NBEA: variants seen among roughly 807,000 people sequenced by gnomAD.
The protein encoded by NBEA is lysosomal-trafficking regulator 2.
Under a neutral mutation model 343.4 loss-of-function variants are expected in NBEA, and 44 were observed. The observed-to-expected ratio is 0.13, with a 90% CI of 0.10 to 0.16. NBEA has a LOEUF of 0.16. Ranked by LOEUF, NBEA falls within the 10% of genes least tolerant of loss-of-function variation. The pLI, the probability that NBEA is intolerant of heterozygous loss-of-function variation, is 1.00. For synonymous variants in NBEA, 1,175 were observed against 1,238.7 expected (o/e 0.95, Z 1.08); for missense variants, 2,555 against 3,631.3 (o/e 0.70, Z 7.62).
intron 36 of NBEA, among the ~76,000 whole-genome samples, chr13:35,339,082 T>G (rs2039434870): frequency 6.6e-6 from 1 of 152,120 alleles, no homozygotes; most frequent in Non-Finnish European, 1.5e-5. Context: ...GTATTCACCC[T>G]AAGGGAAGAA....
chr13:35,598,050 T>C (rs2081888534), intron 47 of NBEA, among the ~76,000 whole-genome samples: 1 of 152,164 alleles, frequency 6.6e-6, no homozygotes, highest in African/African-American at 2.4e-5. Context: ...CATCCCAGTA[T>C]TTGTATCAGA....
At chr13:35,458,553 T>G (rs1012485021) in intron 40 of NBEA, among the ~76,000 whole-genome samples, 1 of 152,192 alleles carries the variant, frequency 6.6e-6, no homozygotes, top group African/African-American at 2.4e-5. Flanking sequence ...GGGCTCAAAT[T>G]ATCAGACTAT....
chr13:35,542,213 A>G (rs1162620314), intron 41 of NBEA, among the ~76,000 whole-genome samples: 1 of 150,542 alleles, frequency 6.6e-6, no homozygotes, highest in Non-Finnish European at 1.5e-5. Context: ...TTATAATGGC[A>G]TATAATAACA....
intron 34 of NBEA, among the ~76,000 whole-genome samples, chr13:35,277,468 A>T (rs2152808518): frequency 6.6e-6 from 1 of 151,944 alleles, no homozygotes; most frequent in Admixed American, 6.6e-5. Flanking sequence ...CCAAAAATAC[A>T]AAATTAGCCA....
intron 40 of NBEA, among the ~76,000 whole-genome samples, chr13:35,464,250 A>T (rs985288211): frequency 3.3e-5 from 5 of 152,212 alleles, no homozygotes; most frequent in African/African-American, 7.2e-5. Flanking sequence ...AAAGTCTGAC[A>T]TTCAAGTATA....
chr13:34,966,079 A>G (rs1466223974), intron 1 of NBEA, among the ~76,000 whole-genome samples: 1 of 152,056 alleles, frequency 6.6e-6, no homozygotes, highest in Non-Finnish European at 1.5e-5. Flanking sequence ...AAAAGGAAAT[A>G]TGGTATTCTG....
intron 8 of NBEA, among the ~76,000 whole-genome samples, chr13:35,062,622 C>A (rs962396839): frequency 2.0e-4 from 31 of 151,572 alleles, no homozygotes; most frequent in African/African-American, 7.2e-4. Flanking sequence ...GATAAGGGAA[C>A]AATAATTTGA....
intron 40 of NBEA, among the ~76,000 whole-genome samples, chr13:35,462,856 G>A (rs1464496412): frequency 6.6e-6 from 1 of 152,170 alleles, no homozygotes; most frequent in African/African-American, 2.4e-5. Context: ...AAGAATGAGG[G>A]GAATCAGGCC....
chr13:35,462,236 G>T (rs2046948253), intron 40 of NBEA, among the ~76,000 whole-genome samples: 1 of 152,062 alleles, frequency 6.6e-6, no homozygotes, highest in African/African-American at 2.4e-5. Flanking sequence ...CTGCCCTCCA[G>T]GAAGTTATAG....
intron 38 of NBEA, among the ~76,000 whole-genome samples, chr13:35,393,874 C>T (rs1389612608): frequency 6.6e-6 from 1 of 151,948 alleles, no homozygotes; most frequent in Non-Finnish European, 1.5e-5. Context: ...AGAAGTTATT[C>T]TCTAATTAGA....
At chr13:35,037,042 C>T (rs1025347913) in intron 1 of NBEA, among the ~76,000 whole-genome samples, 3 of 152,174 alleles carry the variant, frequency 2.0e-5, no homozygotes, top group Admixed American at 6.5e-5. Context: ...CTTAGATTTG[C>T]CCTTTTGAGG....
intron 49 of NBEA, among the ~76,000 whole-genome samples, chr13:35,634,181 A>G (rs1359129740): frequency 1.3e-5 from 2 of 152,052 alleles, no homozygotes; most frequent in African/African-American, 4.8e-5. Flanking sequence ...CATCTCTACT[A>G]AAAATACAAA....
intron 34 of NBEA, among the ~76,000 whole-genome samples, chr13:35,241,589 A>G (rs376920596): frequency 6.6e-6 from 1 of 152,014 alleles, no homozygotes; most frequent in East Asian, 1.9e-4. Flanking sequence ...AAACAACATT[A>G]AAAAGTGAAA....
At chr13:35,003,654 A>G (rs2061220629) in intron 1 of NBEA, among the ~76,000 whole-genome samples, 1 of 152,150 alleles carries the variant, frequency 6.6e-6, no homozygotes. Flanking sequence ...GTGATTGTTT[A>G]TATGTTCCCA....
intron 39 of NBEA, 49 bp downstream of exon 39, chr13:35,432,442 C>T: frequency 3.4e-6 from 5 of 1,473,302 alleles, no homozygotes; most frequent in Non-Finnish European, 4.5e-6. Context: ...TGTGAGGTGA[C>T]TCCTTGTGTT....
At chr13:35,237,168 G>T (rs2075277725) in intron 34 of NBEA, among the ~76,000 whole-genome samples, 1 of 152,042 alleles carries the variant, frequency 6.6e-6, no homozygotes, top group East Asian at 1.9e-4. Context: ...GAGGTGGGAG[G>T]ATTGCTTGAG....
intron 38 of NBEA, among the ~76,000 whole-genome samples, chr13:35,366,642 A>G (rs1315518862): frequency 1.3e-5 from 2 of 151,198 alleles, no homozygotes; most frequent in African/African-American, 4.8e-5. Context: ...TTCCTCAAAC[A>G]TAAATTTTTA....
At chr13:35,466,507 T>C (rs1259344548) in intron 40 of NBEA, among the ~76,000 whole-genome samples, 1 of 152,144 alleles carries the variant, frequency 6.6e-6, no homozygotes, top group African/African-American at 2.4e-5. Flanking sequence ...GCAAAAAAAG[T>C]TCAGGGCTGG....
intron 38 of NBEA, among the ~76,000 whole-genome samples, chr13:35,397,265 C>T (rs1278758276): frequency 2.0e-5 from 3 of 152,146 alleles, no homozygotes; most frequent in Admixed American, 6.6e-5. Flanking sequence ...GCCTTCCCTG[C>T]AGGCTGTCTC....
Sources: allele counts gnomAD v4.1 joint callset (sites outside exome capture counted in the v4.1 genomes callset), GRCh38; gene constraint gnomAD v4.1.1; transcripts MANE v1.5; gene names NCBI Gene and HGNC (gene_info 2026-07-23, HGNC 2026-07-21).